AKAP19: variants seen among roughly 807,000 people sequenced by gnomAD.
AKAP19 encodes A-kinase anchoring protein 19.
the AKAP19 span, among the ~76,000 whole-genome samples, chr2:190,087,258 C>A: frequency 6.6e-6 from 1 of 152,154 alleles, no homozygotes; most frequent in African/African-American, 2.4e-5. Context: ...AGACATGAAA[C>A]CATTTCTTCA....
chr2:190,024,645 G>A, the AKAP19 span, among the ~76,000 whole-genome samples: 11 of 152,174 alleles, frequency 7.2e-5, no homozygotes, highest in African/African-American at 2.6e-4. Context: ...GTCTAGGCTG[G>A]AGAAACCCTG....
chr2:189,930,881 G>A, the AKAP19 span: 5 of 724,442 alleles, frequency 6.9e-6, no homozygotes, highest in Admixed American at 8.0e-5. Flanking sequence ...ACTGGAGCTG[G>A]AACCTGTTCC....
At chr2:190,098,756 T>C in the AKAP19 span, among the ~76,000 whole-genome samples, 8 of 152,308 alleles carry the variant, frequency 5.3e-5, no homozygotes, top group South Asian at 6.2e-4. Context: ...CTCATCTACA[T>C]TGAAAATCTG....
the AKAP19 span, among the ~76,000 whole-genome samples, chr2:189,900,806 G>A: frequency 6.6e-6 from 1 of 152,174 alleles, no homozygotes; most frequent in African/African-American, 2.4e-5. Context: ...TGCGTTGCAA[G>A]GGCAGTGGGC....
At chr2:189,904,914 C>G in the AKAP19 span, among the ~76,000 whole-genome samples, 4 of 151,888 alleles carry the variant, frequency 2.6e-5, no homozygotes, top group African/African-American at 7.2e-5. Flanking sequence ...CGGAATGAAA[C>G]AAGATTATAT....
At chr2:190,133,455 G>A in the AKAP19 span, among the ~76,000 whole-genome samples, 2 of 152,126 alleles carry the variant, frequency 1.3e-5, no homozygotes, top group African/African-American at 4.8e-5. Context: ...TAAAGGAACT[G>A]TTATATACGG....
the AKAP19 span, among the ~76,000 whole-genome samples, chr2:190,029,315 G>C: frequency 1.3e-5 from 2 of 152,210 alleles, no homozygotes; most frequent in Admixed American, 1.3e-4. Flanking sequence ...GCCTCCGAGA[G>C]TGCAGGGATT....
the AKAP19 span, chr2:190,199,690 T>TTGAC: frequency 1.4e-6 from 2 of 1,427,554 alleles, no homozygotes; most frequent in Non-Finnish European, 1.8e-6. Context: ...CTACCTTCTC[T>TTGAC]TGACAGGTAA....
the AKAP19 span, among the ~76,000 whole-genome samples, chr2:190,176,496 T>C: frequency 1.6e-4 from 25 of 152,070 alleles, no homozygotes; most frequent in East Asian, 1.9e-4. This position sits in a 1 kb window ranked among gnomAD's most constrained non-coding sequence, Gnocchi z 4.7. Flanking sequence ...TACAGGTGCC[T>C]GCCACCACAC....
the AKAP19 span, among the ~76,000 whole-genome samples, chr2:189,910,810 G>T: frequency 6.6e-6 from 1 of 152,022 alleles, no homozygotes; most frequent in South Asian, 2.1e-4. Flanking sequence ...CTTTTAAAAG[G>T]GTGTTTATAA....
At chr2:190,060,085 G>C in the AKAP19 span, 1 of 1,612,276 alleles carries the variant, frequency 6.2e-7, no homozygotes, top group East Asian at 2.2e-5. Context: ...CCTGGTCCTG[G>C]GAAGGTTACA....
chr2:190,190,880 A>C, the AKAP19 span, among the ~76,000 whole-genome samples: 2 of 152,294 alleles, frequency 1.3e-5, no homozygotes, highest in South Asian at 4.1e-4. Context: ...ATCGGGATAA[A>C]GAATAGTTAC....
the AKAP19 span, chr2:190,060,161 G>A: frequency 6.2e-7 from 1 of 1,612,978 alleles, no homozygotes; most frequent in Non-Finnish European, 8.5e-7. Flanking sequence ...CAGGTTGTTT[G>A]AGCCAATTTT....
At chr2:190,105,011 A>G in the AKAP19 span, among the ~76,000 whole-genome samples, 1 of 152,204 alleles carries the variant, frequency 6.6e-6, no homozygotes, top group Non-Finnish European at 1.5e-5. Context: ...GGCTTCAGAG[A>G]AAAGGGAGTG....
chr2:189,935,491 G>T, the AKAP19 span, among the ~76,000 whole-genome samples: 2 of 151,994 alleles, frequency 1.3e-5, no homozygotes, highest in African/African-American at 4.8e-5. Context: ...GTGAAAGTAT[G>T]AAACTCGTTT....
At chr2:190,064,663 CTTTG>C in the AKAP19 span, among the ~76,000 whole-genome samples, 2 of 152,126 alleles carry the variant, frequency 1.3e-5, no homozygotes, top group Admixed American at 6.6e-5. Flanking sequence ...AGTGCTTGCT[CTTTG>C]TTTTATGCAG....
At chr2:190,174,100 T>C in the AKAP19 span, among the ~76,000 whole-genome samples, 2 of 152,174 alleles carry the variant, frequency 1.3e-5, no homozygotes, top group East Asian at 3.8e-4. Context: ...AGAATTAGCT[T>C]AGACTGTGTG....
chr2:190,060,519 T>A, the AKAP19 span: 50,064 of 1,230,538 alleles, frequency 0.041, 3,472 homozygotes, highest in African/African-American at 0.25. Context: ...AGCATTTTTT[T>A]AAATTAAGAT....
At chr2:190,180,721 C>T in the AKAP19 span, 1 of 985,316 alleles carries the variant, frequency 1.0e-6, no homozygotes, top group Non-Finnish European at 1.2e-6. This position sits in a 1 kb window ranked among gnomAD's most constrained non-coding sequence, Gnocchi z 6.8. Flanking sequence ...AGAGGGCGCG[C>T]CCTGGAGCCG....
Sources: gnomAD v4.1 joint callset for allele counts (sites outside exome capture counted in the v4.1 genomes callset) on GRCh38, gnomAD v4.1.1 for gene constraint, Gnocchi (gnomAD v3.1) non-coding constraint, MANE v1.5 for transcripts, NCBI Gene and HGNC (gene_info 2026-07-23, HGNC 2026-07-21) for gene names.